The following BFSP1 variants were observed in gnomAD, a reference collection of about 807,000 sequenced individuals.
BFSP1 encodes the protein filensin.
Under a neutral mutation model 43.9 loss-of-function variants are expected in BFSP1, and 38 were observed. That is an observed-to-expected ratio of 0.87 (90% CI 0.67 to 1.14). The LOEUF is 1.14. Among genes scored for constraint, BFSP1 ranks in the 50% most tolerant of loss-of-function variants. BFSP1 has a pLI of 0.00. For missense variants in BFSP1, 850 were observed against 875.1 expected (o/e 0.97, Z 0.36); for synonymous variants, 352 against 354.8 (o/e 0.99, Z 0.09).
intron 6 of BFSP1, among the ~76,000 whole-genome samples, chr20:17,497,581 C>T (rs1392190022): frequency 1.1e-3 from 17 of 15,544 alleles, no homozygotes; most frequent in South Asian, 2.3e-3. Context: ...TGTATATATA[C>T]GTATATATAT....
At chr20:17,546,624 C>T (rs2034804971) in intron 1 of BFSP1, among the ~76,000 whole-genome samples, 1 of 151,716 alleles carries the variant, frequency 6.6e-6, no homozygotes, top group African/African-American at 2.4e-5. Flanking sequence ...ATCCCTTGAA[C>T]CCGGGAGGTG....
At chr20:17,506,364 G>A (rs2033936792) in intron 5 of BFSP1, among the ~76,000 whole-genome samples, 1 of 152,098 alleles carries the variant, frequency 6.6e-6, no homozygotes. Flanking sequence ...CGATGACACG[G>A]GTGCTGGTGG....
chr20:17,512,135 A>G, intron 3 of BFSP1, 67 bp from the exon 4 acceptor site: 1 of 1,349,460 alleles, frequency 7.4e-7, no homozygotes, highest in Non-Finnish European at 1.1e-6. Context: ...CTAGTACTAG[A>G]TGAGAACAGG....
chr20:17,503,211 G>T lies in BFSP1; in HGVS notation c.736-4171C>A, dbSNP rs1600638056. Among the ~76,000 whole-genome samples, 5 of 151,432 alleles carry T rather than the reference G, an allele frequency of 3.3e-5. No homozygotes were observed. In the South Asian group the frequency reaches 1.0e-3, roughly 31 times the overall value. On this transcript the variant is annotated intron_variant, in intron 5 of 7. Coordinates refer to ENST00000377873, the MANE Select transcript of BFSP1 (RefSeq NM_001195.5). ...GCCAATTAAAAAAAAATTTTTTTTT[G>T]TAGAGACAAGGTCTAATTATGTTGC...
intron 1 of BFSP1, among the ~76,000 whole-genome samples, chr20:17,526,500 A>G (rs1231516678): frequency 2.0e-5 from 3 of 152,214 alleles, no homozygotes; most frequent in Admixed American, 1.3e-4. Flanking sequence ...ATATGTCAGA[A>G]TTACCTTCCT....
intron 3 of BFSP1, among the ~76,000 whole-genome samples, chr20:17,512,581 G>A (rs1240544323): frequency 6.6e-6 from 1 of 152,168 alleles, no homozygotes; most frequent in Non-Finnish European, 1.5e-5. Context: ...GCTATGTGTT[G>A]TGGTGTGCAC....
At chr20:17,558,121 G>T (rs558077529) in intron 1 of BFSP1, among the ~76,000 whole-genome samples, 1 of 128,544 alleles carries the variant, frequency 7.8e-6, no homozygotes, top group Non-Finnish European at 1.6e-5. Context: ...CACAAAGATG[G>T]GGGGGGGTTT....
upstream of BFSP1, chr20:17,531,478 G>A: frequency 8.9e-7 from 1 of 1,117,348 alleles, no homozygotes; most frequent in East Asian, 3.5e-5. Flanking sequence ...CGCCACGCTG[G>A]GCCCGGGCGC....
At chr20:17,497,591 TAC>T (rs1390147995) in intron 6 of BFSP1, among the ~76,000 whole-genome samples, 61 of 86,842 alleles carry the variant, frequency 7.0e-4, no homozygotes, top group African/African-American at 1.2e-3. Flanking sequence ...CGTATATATA[TAC>T]GTGTATATAT....
At chr20:17,503,124 A>G (rs143737109) in intron 5 of BFSP1, among the ~76,000 whole-genome samples, 28 of 152,304 alleles carry the variant, frequency 1.8e-4, no homozygotes, top group African/African-American at 6.7e-4. Flanking sequence ...CCTGGGCTCA[A>G]GTGGTCCCCA....
rs114140988 is a variant in BFSP1, at chr20:17,542,276, G to C, written c.2+16412C>G. Among the ~76,000 whole-genome samples, 1,181 of 152,086 alleles carry C rather than the reference G, an allele frequency of 7.8e-3. 18 individuals carry two copies. The highest frequency in any genetic ancestry group is 0.027 in the African/African-American group (1,131 of 41,488). ...CACAAGAATGATAAACACTACAAAG[G>C]AAGACATTTCTCTCCTAGAAAGTCA... On this transcript the variant is annotated intron_variant, in intron 1 of 7. Coordinates refer to the BFSP1 transcript ENST00000377868.
chr20:17,505,171 C>A (rs1310104898), intron 5 of BFSP1, among the ~76,000 whole-genome samples: 1 of 152,212 alleles, frequency 6.6e-6, no homozygotes, highest in Non-Finnish European at 1.5e-5. Context: ...TCCTCCGGGG[C>A]TCTTACGGGT....
At chr20:17,551,599 C>T (rs2034896629) in intron 1 of BFSP1, among the ~76,000 whole-genome samples, 1 of 152,200 alleles carries the variant, frequency 6.6e-6, no homozygotes, top group Non-Finnish European at 1.5e-5. Context: ...TCTACACCAC[C>T]AATCTTATTC....
upstream of BFSP1, among the ~76,000 whole-genome samples, chr20:17,534,606 C>T (rs1485440289): frequency 2.0e-5 from 3 of 152,122 alleles, no homozygotes; most frequent in Non-Finnish European, 2.9e-5. Flanking sequence ...AAAGAAGGAA[C>T]ATCCTATTAA....
At chr20:17,512,580 TGTG>T (rs2034112655) in intron 3 of BFSP1, among the ~76,000 whole-genome samples, 1 of 152,130 alleles carries the variant, frequency 6.6e-6, no homozygotes, top group Non-Finnish European at 1.5e-5. Flanking sequence ...AGCTATGTGT[TGTG>T]GTGTGCACCT....
At chr20:17,495,074 G>A in intron 7 of BFSP1, 45 bp from the exon 8 acceptor site, 1 of 1,530,718 alleles carries the variant, frequency 6.5e-7, no homozygotes, top group East Asian at 2.3e-5. Flanking sequence ...TTGTCACTGA[G>A]AGAGAAAGAA....
rs2034672616 is a variant in BFSP1, at chr20:17,538,972, T to C, written c.3-14064A>G. Among the ~76,000 whole-genome samples, 3 of 152,218 alleles carry C rather than the reference T, an allele frequency of 2.0e-5. No homozygotes were observed. The South Asian group carries it at 6.2e-4, about 32-fold the overall frequency. ...TACACTGTCAAGTGGTTTGATATAT[T>C]ACCAAGCCACAGTTGTCCAACTGGC... On this transcript the variant is annotated intron_variant, in intron 1 of 7. Coordinates refer to the BFSP1 transcript ENST00000377868.
chr20:17,501,856 T>A (rs1453859622), intron 5 of BFSP1, among the ~76,000 whole-genome samples: 1 of 152,166 alleles, frequency 6.6e-6, no homozygotes, highest in African/African-American at 2.4e-5. Flanking sequence ...CTCCTGGGAA[T>A]CTGGAAAGGG....
At chr20:17,562,164 T>C (rs2122128950), upstream of BFSP1, among the ~76,000 whole-genome samples, 1 of 151,570 alleles carries the variant, frequency 6.6e-6, no homozygotes, top group African/African-American at 2.4e-5. Flanking sequence ...TCGTGATCGG[T>C]CCGCCTCGGT....
Sources: gnomAD v4.1 joint callset for allele counts (sites outside exome capture counted in the v4.1 genomes callset) on GRCh38, gnomAD v4.1.1 for gene constraint, MANE v1.5 for transcripts, NCBI Gene and HGNC (gene_info 2026-07-23, HGNC 2026-07-21) for gene names.